TVP23A: variants seen among roughly 807,000 people sequenced by gnomAD.
TVP23A encodes Golgi apparatus membrane protein TVP23 homolog A.
In TVP23A, 21 loss-of-function variants were observed where a neutral mutation model predicts 31.7. That is an observed-to-expected ratio of 0.66 (90% CI 0.47 to 0.95). The LOEUF (loss-of-function observed/expected upper bound fraction) is 0.95, where lower values mean the gene tolerates loss of function less well. Among genes scored for constraint, TVP23A ranks in the 40% least tolerant of loss-of-function variants. The probability of loss-of-function intolerance (pLI) is 0.00; values close to 1 mark genes in which losing one functional copy is unlikely to be tolerated. For synonymous variants in TVP23A, 104 were observed against 96.0 expected (o/e 1.08, Z -0.49); for missense variants, 279 against 255.6 (o/e 1.09, Z -0.62).
chr16:10,775,830 C>A (rs1171659316), intron 2 of TVP23A, among the ~76,000 whole-genome samples: 2 of 146,732 alleles, frequency 1.4e-5, no homozygotes, highest in Non-Finnish European at 3.0e-5. Context: ...TTCACAGCAA[C>A]CTCCACCTCC....
intron 2 of TVP23A, among the ~76,000 whole-genome samples, chr16:10,789,107 C>T (rs556667200): frequency 3.3e-5 from 5 of 152,298 alleles, no homozygotes; most frequent in Non-Finnish European, 5.9e-5. Context: ...GGATTACAGG[C>T]ATGAGCCACC....
intron 2 of TVP23A, among the ~76,000 whole-genome samples, chr16:10,816,977 G>A (rs937107147): frequency 2.0e-5 from 3 of 148,860 alleles, no homozygotes; most frequent in African/African-American, 7.4e-5. Flanking sequence ...CCTGACCATG[G>A]AACAGAGAGA....
chr16:10,760,447 G>A (rs796551322), downstream of TVP23A, among the ~76,000 whole-genome samples: 19 of 152,230 alleles, frequency 1.2e-4, no homozygotes, highest in Admixed American at 2.6e-4. Flanking sequence ...ATGTAGATGC[G>A]TTAAAAGGTC....
At chr16:10,769,191 T>A (rs550291329) in intron 7 of TVP23A, 90 bp from the exon 8 acceptor site, 1 of 1,264,738 alleles carries the variant, frequency 7.9e-7, no homozygotes, top group South Asian at 1.2e-5. Context: ...AGCTCCGGGA[T>A]GGGGTGGGTC....
chr16:10,807,622 TC>T (rs754355311), intron 2 of TVP23A, among the ~76,000 whole-genome samples: 34 of 152,268 alleles, frequency 2.2e-4, no homozygotes, highest in Non-Finnish European at 4.1e-4. Context: ...TAGGACAGCC[TC>T]CACCACATAG....
At position 10,777,890 on chromosome 16, in the gene TVP23A, A is replaced by G. The variant is rs1290908032; in HGVS notation, c.90-2794T>C. Reference sequence around the variant, plus strand: ...GCTGAGCGTGGTGGTGGGCGCCTGTAGTCCCAGCTACTCGGGACGCTGAGG... The same window carrying G: ...GCTGAGCGTGGTGGTGGGCGCCTGTGGTCCCAGCTACTCGGGACGCTGAGG... On this transcript the variant is annotated intron_variant, in intron 2 of 7. Transcript: ENST00000299866. This position sits in a 1 kb window ranked among gnomAD's most constrained non-coding sequence, Gnocchi z 4.5. Among the ~76,000 whole-genome samples, 3 of 152,154 alleles carry G rather than the reference A, an allele frequency of 2.0e-5. No homozygotes were observed. The highest frequency in any genetic ancestry group is 7.2e-5 in the African/African-American group (3 of 41,438).
intron 2 of TVP23A, among the ~76,000 whole-genome samples, chr16:10,809,874 C>T (rs2034114526): frequency 6.6e-6 from 1 of 152,188 alleles, no homozygotes; most frequent in South Asian, 2.1e-4. Context: ...AGCAATTCCA[C>T]TCCTAGGTAT....
At chr16:10,803,262 TG>T (rs1478247352) in intron 2 of TVP23A, among the ~76,000 whole-genome samples, 1 of 151,574 alleles carries the variant, frequency 6.6e-6, no homozygotes, top group African/African-American at 2.4e-5. Flanking sequence ...TGTGTGTGTG[TG>T]TGTGTGTGTG....
chr16:10,809,200 C>T (rs2034081364), intron 2 of TVP23A, among the ~76,000 whole-genome samples: 1 of 152,214 alleles, frequency 6.6e-6, no homozygotes, highest in Admixed American at 6.5e-5. Flanking sequence ...ATAATACAGC[C>T]AACATCAACC....
chr16:10,766,187 C>G (rs1472131173), downstream of TVP23A: 1 of 152,390 alleles, frequency 6.6e-6, no homozygotes, highest in African/African-American at 2.4e-5. This position sits in a 1 kb window ranked among gnomAD's most constrained non-coding sequence, Gnocchi z 4.8. Context: ...CCTCAGAGCC[C>G]TGCTCCGCCA....
chr16:10,808,375 G>A (rs1253393997), intron 2 of TVP23A, among the ~76,000 whole-genome samples: 3 of 149,022 alleles, frequency 2.0e-5, no homozygotes, highest in African/African-American at 7.7e-5. Context: ...TTTCAGGGGT[G>A]ATTTTTACTT....
chr16:10,798,545 C>A (rs977397981), intron 2 of TVP23A, among the ~76,000 whole-genome samples: 1 of 152,150 alleles, frequency 6.6e-6, no homozygotes, highest in Non-Finnish European at 1.5e-5. Context: ...CGTGTAGTCA[C>A]GTCTCACAAT....
intron 2 of TVP23A, chr16:10,775,305 T>C: frequency 7.2e-7 from 1 of 1,392,852 alleles, no homozygotes; most frequent in South Asian, 1.6e-5. Context: ...CACTGTTTTT[T>C]TTCCTCCCCT....
At position 10,818,537 on chromosome 16, in the gene TVP23A, G is replaced by A. The variant is rs1215053532; in HGVS notation, c.-44C>T. 1.3e-6 allele frequency: 2 copies of A among 1,593,112 alleles called. No homozygotes were observed. The highest frequency in any genetic ancestry group is 8.5e-7 in the Non-Finnish European group (1 of 1,175,536). ...CCTGGCGCCCAGGCCCGGGGCTCCA[G>A]CTCCGCCCGTCGCCGCTGAAGGGGT... On this transcript the variant is annotated 5_prime_UTR_variant, in exon 1 of 8. Coordinates refer to ENST00000299866, the MANE Select transcript of TVP23A (RefSeq NM_001079512.4). The surrounding 1 kb of genome is among the most constrained non-coding windows in gnomAD (Gnocchi z 4.7).
chr16:10,808,498 C>A (rs1049680825), intron 2 of TVP23A: 1 of 454,350 alleles, frequency 2.2e-6, no homozygotes, highest in African/African-American at 2.0e-5. Flanking sequence ...CAAGGACCAA[C>A]CAAGAAATAA....
At chr16:10,808,238 C>T (rs2034033353) in intron 2 of TVP23A, among the ~76,000 whole-genome samples, 1 of 152,116 alleles carries the variant, frequency 6.6e-6, no homozygotes, top group Admixed American at 6.6e-5. Context: ...CATAAGTTCC[C>T]CCAAACAGCA....
chr16:10,769,141 C>T (rs564302332), intron 7 of TVP23A, 40 bp from the exon 8 acceptor site: 55 of 1,601,876 alleles, frequency 3.4e-5, no homozygotes, highest in South Asian at 2.2e-4. Flanking sequence ...AGTTACCGAG[C>T]GAGGCACTCA....
At chr16:10,813,589 A>C (rs980474368) in intron 2 of TVP23A, among the ~76,000 whole-genome samples, 9 of 152,200 alleles carry the variant, frequency 5.9e-5, no homozygotes, top group Non-Finnish European at 1.0e-4. Context: ...TAAACAAACA[A>C]ATAAACAAAT....
At chr16:10,811,137 C>T (rs1270756760) in intron 2 of TVP23A, among the ~76,000 whole-genome samples, 1 of 152,106 alleles carries the variant, frequency 6.6e-6, no homozygotes, top group African/African-American at 2.4e-5. Context: ...ACAGGGCTCC[C>T]ATTTGGCGCA....
Sources: gnomAD v4.1 joint callset for allele counts (sites outside exome capture counted in the v4.1 genomes callset) on GRCh38, gnomAD v4.1.1 for gene constraint, Gnocchi (gnomAD v3.1) non-coding constraint, MANE v1.5 for transcripts, NCBI Gene and HGNC (gene_info 2026-07-23, HGNC 2026-07-21) for gene names.